KCND2: variants seen among roughly 807,000 people sequenced by gnomAD.
KCND2 encodes the protein A-type voltage-gated potassium channel KCND2.
Under a neutral mutation model 54.4 loss-of-function variants are expected in KCND2, and 16 were observed. The observed-to-expected ratio is 0.29, with a 90% CI of 0.20 to 0.45. The LOEUF is 0.45. Among genes scored for constraint, KCND2 ranks in the 20% least tolerant of loss-of-function variants. The pLI is 1.00. For synonymous variants in KCND2, 317 were observed against 310.7 expected (o/e 1.02, Z -0.21); for missense variants, 486 against 824.2 (o/e 0.59, Z 5.02).
chr7:120,543,875 A>C (rs1792012066), intron 1 of KCND2, among the ~76,000 whole-genome samples: 1 of 152,022 alleles, frequency 6.6e-6, no homozygotes, highest in Non-Finnish European at 1.5e-5. Context: ...TCCATTTCTG[A>C]TAAGAACCCA....
At chr7:120,344,275 C>T (rs1262173679) in intron 1 of KCND2, among the ~76,000 whole-genome samples, 1 of 152,052 alleles carries the variant, frequency 6.6e-6, no homozygotes, top group East Asian at 1.9e-4. Context: ...ATAGACTGTA[C>T]CGCCTACTCA....
At position 120,532,610 on chromosome 7, in the gene KCND2, A is replaced by T. The variant is rs570235228; in HGVS notation, c.1116-200293A>T. On this transcript the variant is annotated intron_variant, in intron 1 of 5. Coordinates refer to ENST00000331113, the MANE Select transcript of KCND2 (RefSeq NM_012281.3). ...AATAAAAAGATCATGTATTCCTTCA[A>T]ATCACTACAGAAACAAAAGATAAGC... Among the ~76,000 whole-genome samples the T allele has an allele frequency of 3.9e-5, 6 of 152,124 alleles. No homozygotes were observed. The East Asian group carries it at 1.2e-3, about 29-fold the overall frequency.
At chr7:120,545,970 A>G (rs1388367507) in intron 1 of KCND2, among the ~76,000 whole-genome samples, 1 of 151,918 alleles carries the variant, frequency 6.6e-6, no homozygotes, top group African/African-American at 2.4e-5. Context: ...TCACATACCA[A>G]AAAGTTTGCT....
Position 120,385,589 on chromosome 7 carries a change from G to A in KCND2, c.1115+109842G>A, listed in dbSNP as rs566664731. 1.9e-4 allele frequency among the ~76,000 whole-genome samples: 29 copies of A among 152,204 alleles called. No homozygotes were observed. The South Asian group carries it at 6.0e-3, about 32-fold the overall frequency. On this transcript the variant is annotated intron_variant, in intron 1 of 5. Transcript: ENST00000331113. ...GAAAGGTCACTCAGTTATTCTGAAC[G>A]CTTGGCCTTCAAAGCCAATAACTTA... is the stretch of plus-strand genomic sequence containing the variant.
intron 1 of KCND2, among the ~76,000 whole-genome samples, chr7:120,309,180 G>A (rs1193680929): frequency 6.6e-6 from 1 of 152,082 alleles, no homozygotes; most frequent in Non-Finnish European, 1.5e-5. Flanking sequence ...TTATAGGGAA[G>A]AGCTAGACCT....
intron 1 of KCND2, among the ~76,000 whole-genome samples, chr7:120,538,195 G>C (rs1554365572): frequency 6.6e-6 from 1 of 152,036 alleles, no homozygotes; most frequent in Non-Finnish European, 1.5e-5. Context: ...CAAAGGAGAG[G>C]GAGAGAGTTA....
chr7:120,275,852 C>T (rs1482604472), intron 1 of KCND2, 105 bp downstream of exon 1: 5 of 1,311,834 alleles, frequency 3.8e-6, no homozygotes, highest in Non-Finnish European at 5.4e-6. Flanking sequence ...TGTTTTCTTT[C>T]CTGAGTTTAG....
chr7:120,508,096 A>G (rs1803055850), intron 1 of KCND2, among the ~76,000 whole-genome samples: 1 of 151,844 alleles, frequency 6.6e-6, no homozygotes, highest in Non-Finnish European at 1.5e-5. Flanking sequence ...AGGCACATTT[A>G]CAAGATTTTA....
At chr7:120,398,638 G>T (rs1165761100) in intron 1 of KCND2, among the ~76,000 whole-genome samples, 3 of 152,078 alleles carry the variant, frequency 2.0e-5, no homozygotes, top group South Asian at 2.1e-4. Context: ...ACAGTAAAAG[G>T]TGTTTTTGTT....
At chr7:120,731,184 C>T (rs1475084031) in intron 1 of KCND2, among the ~76,000 whole-genome samples, 2 of 152,110 alleles carry the variant, frequency 1.3e-5, no homozygotes, top group Non-Finnish European at 2.9e-5. Flanking sequence ...CTTATGCTCA[C>T]GAAACACAAA....
intron 1 of KCND2, among the ~76,000 whole-genome samples, chr7:120,407,707 T>G (rs1275700000): frequency 1.3e-5 from 2 of 150,668 alleles, no homozygotes; most frequent in Non-Finnish European, 3.0e-5. Flanking sequence ...TATAAAAACT[T>G]TATAATATAA....
rs1214926900 is a variant in KCND2 at position 120,351,581 on chromosome 7, G to C, written c.1115+75834G>C. 3.3e-5 allele frequency among the ~76,000 whole-genome samples: 5 copies of C among 152,042 alleles called. No homozygotes were observed. In the East Asian group the frequency reaches 9.7e-4, roughly 29 times the overall value. On this transcript the variant is annotated intron_variant, in intron 1 of 5. Transcript: ENST00000331113. ...TTTATTGGCTCTTGTTCAGGGGTCA[G>C]ATATGCAGGTTCAGAGTTGGGGACT...
At chr7:120,601,822 A>G (rs1029893461) in intron 1 of KCND2, among the ~76,000 whole-genome samples, 1 of 152,006 alleles carries the variant, frequency 6.6e-6, no homozygotes, top group Non-Finnish European at 1.5e-5. Context: ...CTCTACCCAC[A>G]CTGAACTACA....
At chr7:120,427,646 T>A (rs1336024141) in intron 1 of KCND2, among the ~76,000 whole-genome samples, 2 of 152,162 alleles carry the variant, frequency 1.3e-5, no homozygotes, top group African/African-American at 2.4e-5. Context: ...TATGAAAACA[T>A]GAGAAAATGT....
chr7:120,659,025 G>A (rs775341441), intron 1 of KCND2, among the ~76,000 whole-genome samples: 2 of 152,086 alleles, frequency 1.3e-5, no homozygotes, highest in African/African-American at 4.8e-5. Context: ...AACAGTCCTC[G>A]GTATGTAACT....
At chr7:120,701,324 A>G (rs1002385447) in intron 1 of KCND2, among the ~76,000 whole-genome samples, 2 of 148,754 alleles carry the variant, frequency 1.3e-5, no homozygotes, top group Non-Finnish European at 3.0e-5. Context: ...TAGTTTTATT[A>G]GGAGGTAAAT....
intron 1 of KCND2, among the ~76,000 whole-genome samples, chr7:120,612,165 T>C (rs985001916): frequency 6.6e-6 from 1 of 152,204 alleles, no homozygotes; most frequent in Non-Finnish European, 1.5e-5. Context: ...CATTGCTAAT[T>C]TGGCCCTGAA....
At chr7:120,371,192 G>A (rs1299677579) in intron 1 of KCND2, among the ~76,000 whole-genome samples, 1 of 151,946 alleles carries the variant, frequency 6.6e-6, no homozygotes. Context: ...AGCAAGTCAT[G>A]TGACCATCCC....
intron 1 of KCND2, among the ~76,000 whole-genome samples, chr7:120,422,284 A>G (rs575689274): frequency 7.5e-4 from 114 of 152,268 alleles, no homozygotes; most frequent in Non-Finnish European, 1.4e-3. Flanking sequence ...TTTCTTGAAA[A>G]CATTTCCAAA....
Sources: gnomAD v4.1 joint callset for allele counts (sites outside exome capture counted in the v4.1 genomes callset) on GRCh38, gnomAD v4.1.1 for gene constraint, MANE v1.5 for transcripts, NCBI Gene and HGNC (gene_info 2026-07-23, HGNC 2026-07-21) for gene names.